The following ANKFN1 variants were observed in gnomAD, a reference collection of about 807,000 sequenced individuals.
The protein encoded by ANKFN1 is ankyrin repeat and fibronectin type-III domain-containing protein 1.
A neutral mutation model predicts 108.7 loss-of-function variants in ANKFN1; 74 were observed. The ratio of observed to expected loss-of-function variants is 0.68; its 90% confidence interval spans 0.56 to 0.83. ANKFN1 has a LOEUF of 0.83. Ranked by LOEUF, ANKFN1 falls within the 40% of genes least tolerant of loss-of-function variation. ANKFN1 has a pLI of 0.00. For synonymous variants in ANKFN1, 547 were observed against 516.2 expected, an observed-to-expected ratio of 1.06 and a Z score of -0.81; for missense variants, 1,505 against 1,382.3, an observed-to-expected ratio of 1.09 and a Z score of -1.41.
At chr17:56,198,682 C>G (rs1913751804) in intron 1 of ANKFN1, among the ~76,000 whole-genome samples, 1 of 151,926 alleles carries the variant, frequency 6.6e-6, no homozygotes, top group African/African-American at 2.4e-5. Context: ...ATTTTTTCTC[C>G]CAATATTCAA....
chr17:56,210,522 G>T (rs1383789280), intron 1 of ANKFN1, among the ~76,000 whole-genome samples: 1 of 151,932 alleles, frequency 6.6e-6, no homozygotes, highest in Admixed American at 6.6e-5. Context: ...ATGTTTGTTG[G>T]CCATTTGTAT....
At chr17:56,346,484 G>C (rs181088570) in intron 4 of ANKFN1, among the ~76,000 whole-genome samples, 1 of 151,992 alleles carries the variant, frequency 6.6e-6, no homozygotes, top group Admixed American at 6.6e-5. Flanking sequence ...GTAAACTGTT[G>C]GTTTCCAAGA....
At chr17:56,432,141 C>T (rs1257038405) in intron 8 of ANKFN1, among the ~76,000 whole-genome samples, 2 of 152,184 alleles carry the variant, frequency 1.3e-5, no homozygotes, top group African/African-American at 4.8e-5. Flanking sequence ...AGAGTTCTTG[C>T]TATTGTTCAG....
chr17:56,476,828 T>A (rs2092889048), intron 15 of ANKFN1, among the ~76,000 whole-genome samples: 1 of 152,232 alleles, frequency 6.6e-6, no homozygotes, highest in Admixed American at 6.5e-5. Flanking sequence ...TCATTTTAGC[T>A]ATCATACAAT....
intron 1 of ANKFN1, among the ~76,000 whole-genome samples, chr17:56,208,019 T>C (rs1222774791): frequency 6.6e-6 from 1 of 152,190 alleles, no homozygotes; most frequent in South Asian, 2.1e-4. Context: ...CTATTTTTTC[T>C]TATTTGAGAC....
At chr17:56,229,083 C>G (rs981939446) in intron 3 of ANKFN1, among the ~76,000 whole-genome samples, 5 of 151,998 alleles carry the variant, frequency 3.3e-5, no homozygotes, top group African/African-American at 9.7e-5. Flanking sequence ...TAAATTGATC[C>G]CACTGCTGTA....
At chr17:56,055,603 T>TATATATATATATACACATATATATATATA in intron 4 of ANKFN1, among the ~76,000 whole-genome samples, 1 of 37,732 alleles carries the variant, frequency 2.7e-5, no homozygotes, top group South Asian at 6.9e-4. Context: ...ATATACACAT[T>TATATATATATATACACATATATATATATA]TTTTTATCCA....
At chr17:56,494,469 G>T (rs1326911310) in intron 19 of ANKFN1, among the ~76,000 whole-genome samples, 2 of 152,142 alleles carry the variant, frequency 1.3e-5, no homozygotes, top group East Asian at 1.9e-4. Context: ...ATCAGAAGCT[G>T]GTCCCAGAGG....
intron 8 of ANKFN1, among the ~76,000 whole-genome samples, chr17:56,396,506 A>G (rs776713866): frequency 3.3e-5 from 5 of 152,154 alleles, no homozygotes; most frequent in Non-Finnish European, 7.4e-5. Flanking sequence ...TTACTTTTAC[A>G]TCCCAAAGAA....
Position 56,454,479 on chromosome 17 carries a change from A to G in ANKFN1, c.1208-2382A>G, listed in dbSNP as rs180906458. On this transcript the variant is annotated intron_variant, in intron 11 of 20. Transcript: ENST00000682825. The stretch of plus-strand genomic sequence containing the variant: ...TTTTGGCCTTTGTATTTCATGTTAG[A>G]TGCTTTTCTCAACTGCCTGTTGATC... 5.2e-4 allele frequency among the ~76,000 whole-genome samples: 79 copies of G among 152,166 alleles called. 1 individual carries two copies. Among genetic ancestry groups the G allele is most frequent in the Admixed American group, 4.6e-3 (71 of 15,278 alleles).
intron 3 of ANKFN1, among the ~76,000 whole-genome samples, chr17:56,258,676 C>T (rs1178771386): frequency 1.3e-5 from 2 of 152,036 alleles, no homozygotes; most frequent in Non-Finnish European, 2.9e-5. Flanking sequence ...TTTGGGAGGC[C>T]GAGGCGGGCG....
chr17:56,267,043 T>C (rs1362901809), intron 3 of ANKFN1, among the ~76,000 whole-genome samples: 1 of 152,124 alleles, frequency 6.6e-6, no homozygotes, highest in Non-Finnish European at 1.5e-5. Flanking sequence ...CTCCACTCAA[T>C]AGGTAGTTTT....
At chr17:56,306,969 A>C (rs1330582289) in intron 3 of ANKFN1, among the ~76,000 whole-genome samples, 9 of 152,288 alleles carry the variant, frequency 5.9e-5, no homozygotes, top group East Asian at 1.9e-4. Context: ...CAAAAACAAG[A>C]AATGGGGAAA....
intron 15 of ANKFN1, among the ~76,000 whole-genome samples, chr17:56,470,740 T>A (rs1177908018): frequency 6.6e-6 from 1 of 152,146 alleles, no homozygotes; most frequent in Non-Finnish European, 1.5e-5. Context: ...AGTGTCCAAC[T>A]CCCTCAAATT....
chr17:56,331,644 A>C (rs1304431510), intron 4 of ANKFN1, among the ~76,000 whole-genome samples: 1 of 152,230 alleles, frequency 6.6e-6, no homozygotes, highest in African/African-American at 2.4e-5. Context: ...GCCAGAGTTC[A>C]AATCCTGCTG....
chr17:56,475,499 C>T (rs1472970361), intron 15 of ANKFN1, among the ~76,000 whole-genome samples: 1 of 152,178 alleles, frequency 6.6e-6, no homozygotes, highest in African/African-American at 2.4e-5. Context: ...AGATCCCATA[C>T]TTTTCCATTC....
chr17:56,391,212 C>CATATATATATATATAT (rs202114506), intron 8 of ANKFN1, among the ~76,000 whole-genome samples: 49 of 121,376 alleles, frequency 4.0e-4, no homozygotes, highest in African/African-American at 1.2e-3. Context: ...CCCAAGAATA[C>CATATATATATATATAT]ATATATATAT....
intron 15 of ANKFN1, 102 bp downstream of exon 15, chr17:56,466,673 T>C: frequency 1.0e-6 from 1 of 982,200 alleles, no homozygotes; most frequent in Non-Finnish European, 1.5e-6. Flanking sequence ...TATGCAGTGA[T>C]GGAGTGGAGA....
At chr17:56,197,428 T>C (rs933084673) in intron 1 of ANKFN1, among the ~76,000 whole-genome samples, 19 of 152,286 alleles carry the variant, frequency 1.2e-4, no homozygotes, top group Middle Eastern at 3.4e-3. Flanking sequence ...AAAAATAGGT[T>C]TTACTAAAAA....
Sources: allele counts gnomAD v4.1 joint callset (sites outside exome capture counted in the v4.1 genomes callset), GRCh38; gene constraint gnomAD v4.1.1; transcripts MANE v1.5; gene names NCBI Gene and HGNC (gene_info 2026-07-23, HGNC 2026-07-21).